Variants in PSD3 observed in about 807,000 individuals in gnomAD.
PSD3 encodes PH and SEC7 domain-containing protein 3.
PSD3 carries 49 observed loss-of-function variants against 105.5 expected under a neutral mutation model. The ratio of observed to expected loss-of-function variants is 0.46; its 90% CI spans 0.37 to 0.59. The LOEUF (loss-of-function observed/expected upper bound fraction) is 0.59, where lower values mean the gene tolerates loss of function less well. Ranked by LOEUF, PSD3 falls within the 20% of genes least tolerant of loss-of-function variation. The probability of loss-of-function intolerance (pLI) is 0.00; values close to 1 mark genes in which losing one functional copy is unlikely to be tolerated. For missense variants in PSD3, 1,561 were observed against 1,263.8 expected, an observed-to-expected ratio of 1.24 and a Z score of -3.57; for synonymous variants, 557 against 457.8, an observed-to-expected ratio of 1.22 and a Z score of -2.77.
chr8:18,721,863 CT>C (rs1273793969), intron 9 of PSD3, among the ~76,000 whole-genome samples: 2 of 151,942 alleles, frequency 1.3e-5, no homozygotes, highest in Non-Finnish European at 2.9e-5. Context: ...TAAAAGTGAG[CT>C]TTTTAAAAGG....
At chr8:18,758,424 T>A (rs1175986171) in intron 9 of PSD3, among the ~76,000 whole-genome samples, 1 of 151,868 alleles carries the variant, frequency 6.6e-6, no homozygotes, top group East Asian at 1.9e-4. Context: ...CTTTTTTTTT[T>A]TTTTTTTAAG....
chr8:18,593,281 TAAAC>T (rs1285561111), intron 12 of PSD3, among the ~76,000 whole-genome samples: 22 of 151,918 alleles, frequency 1.4e-4, no homozygotes, highest in African/African-American at 5.3e-4. Flanking sequence ...TTACAAGAAA[TAAAC>T]AAACAACCCC....
chr8:19,013,633 G>C lies in PSD3; in HGVS notation c.-50C>G. ...GCCGAAACCGCCGCCGGGCGCTCCG[G>C]GGCCGCAGCCTCAGGGCGCGAGTGC... On this transcript the variant is annotated 5_prime_UTR_variant, in exon 1 of 16. Transcript: ENST00000327040. The C allele has an allele frequency of 7.5e-7, 1 of 1,329,768 alleles. No homozygotes were observed. Among genetic ancestry groups the C allele is most frequent in the Non-Finnish European group, 9.5e-7 (1 of 1,048,230 alleles). The allele number at this position is 1,329,768 out of a possible 1,614,324, so 82.4% of individuals were successfully genotyped here. A position where few individuals can be genotyped will look rare whatever the true frequency, so the allele number is the denominator to read the frequency against.
chr8:18,704,119 T>A (rs1002738346), intron 9 of PSD3, among the ~76,000 whole-genome samples: 5 of 152,226 alleles, frequency 3.3e-5, no homozygotes, highest in African/African-American at 1.2e-4. Context: ...ATTTCTTTCC[T>A]CTCTTTAAAA....
intron 1 of PSD3, among the ~76,000 whole-genome samples, chr8:19,076,300 G>C (rs929599292): frequency 1.3e-5 from 2 of 152,078 alleles, no homozygotes; most frequent in Non-Finnish European, 2.9e-5. Context: ...GGATCTACTT[G>C]CCTTGCAATA....
intron 1 of PSD3, among the ~76,000 whole-genome samples, chr8:19,060,452 T>A (rs1828858227): frequency 6.6e-6 from 1 of 152,104 alleles, no homozygotes; most frequent in Non-Finnish European, 1.5e-5. Flanking sequence ...CTGGGCAACA[T>A]AGCAAGATCC....
chr8:18,736,221 A>G (rs1482905579), intron 9 of PSD3, among the ~76,000 whole-genome samples: 2 of 152,186 alleles, frequency 1.3e-5, no homozygotes, highest in Non-Finnish European at 2.9e-5. Context: ...TATCCAATCA[A>G]CACTCTAGCT....
chr8:18,638,282 T>G (rs964357085), intron 10 of PSD3, among the ~76,000 whole-genome samples: 1 of 152,106 alleles, frequency 6.6e-6, no homozygotes, highest in Non-Finnish European at 1.5e-5. Context: ...TCTCACCACT[T>G]TTGTTCAACA....
intron 4 of PSD3, among the ~76,000 whole-genome samples, chr8:18,860,027 T>C (rs1458476020): frequency 1.3e-5 from 2 of 152,192 alleles, no homozygotes; most frequent in Non-Finnish European, 2.9e-5. Context: ...CCAAGTTTAA[T>C]CCTTTCTAGA....
intron 1 of PSD3, among the ~76,000 whole-genome samples, chr8:19,078,438 G>C (rs1203726485): frequency 3.9e-5 from 6 of 151,900 alleles, no homozygotes; most frequent in Admixed American, 3.9e-4. Context: ...ATGTTAAATT[G>C]GAGAGAGCTC....
intron 11 of PSD3, among the ~76,000 whole-genome samples, chr8:18,631,757 A>G (rs1806915343): frequency 6.6e-6 from 1 of 151,946 alleles, no homozygotes; most frequent in African/African-American, 2.4e-5. Flanking sequence ...AGCATTGCTA[A>G]GTCCATGTCA....
chr8:19,062,037 C>T (rs1283007037), intron 1 of PSD3, among the ~76,000 whole-genome samples: 1 of 152,196 alleles, frequency 6.6e-6, no homozygotes, highest in East Asian at 1.9e-4. Flanking sequence ...CCCAATGAAA[C>T]TGTGAACTCT....
chr8:18,934,504 G>A (rs996228022), intron 2 of PSD3, among the ~76,000 whole-genome samples: 1 of 151,936 alleles, frequency 6.6e-6, no homozygotes, highest in Non-Finnish European at 1.5e-5. Context: ...TCTGCCTCTC[G>A]GGTTCATGCC....
At chr8:18,782,991 T>G (rs1330994814) in intron 8 of PSD3, among the ~76,000 whole-genome samples, 1 of 152,240 alleles carries the variant, frequency 6.6e-6, no homozygotes, top group Non-Finnish European at 1.5e-5. Flanking sequence ...TGTCTCATTT[T>G]GGTATCAGGG....
At chr8:19,038,635 A>AT (rs1223598659) in intron 1 of PSD3, among the ~76,000 whole-genome samples, 2 of 151,916 alleles carry the variant, frequency 1.3e-5, no homozygotes, top group Admixed American at 1.3e-4. Context: ...TAATTTTTTT[A>AT]TTTTTTTGTA....
At chr8:19,039,725 T>C (rs919311480) in intron 1 of PSD3, among the ~76,000 whole-genome samples, 1 of 152,148 alleles carries the variant, frequency 6.6e-6, no homozygotes, top group African/African-American at 2.4e-5. Context: ...AGCCTTCAAA[T>C]GGAAAGAGAG....
intron 9 of PSD3, among the ~76,000 whole-genome samples, chr8:18,694,921 C>T (rs531166147): frequency 6.6e-6 from 1 of 152,106 alleles, no homozygotes; most frequent in South Asian, 2.1e-4. Flanking sequence ...AAAATTATAG[C>T]ATAAAAATAC....
chr8:18,995,895 C>G (rs1826054617), intron 1 of PSD3, among the ~76,000 whole-genome samples: 2 of 151,952 alleles, frequency 1.3e-5, no homozygotes, highest in African/African-American at 4.8e-5. Flanking sequence ...ATTATGGGAG[C>G]TACAACTCAA....
At chr8:18,545,170 C>G (rs1384252287) in intron 15 of PSD3, among the ~76,000 whole-genome samples, 1 of 152,158 alleles carries the variant, frequency 6.6e-6, no homozygotes, top group Non-Finnish European at 1.5e-5. Flanking sequence ...TATAAGTATT[C>G]AGCTTTTCAT....
Sources: gnomAD v4.1 joint callset for allele counts (sites outside exome capture counted in the v4.1 genomes callset) on GRCh38, gnomAD v4.1.1 for gene constraint, MANE v1.5 for transcripts, NCBI Gene and HGNC (gene_info 2026-07-23, HGNC 2026-07-21) for gene names.